The following NPHP4 variants were observed in gnomAD, a reference collection of about 807,000 sequenced individuals.
The protein encoded by NPHP4 is nephrocystin-4.
A neutral mutation model predicts 155.8 loss-of-function variants in NPHP4; 151 were observed. The ratio of observed to expected loss-of-function variants is 0.97; its 90% CI spans 0.85 to 1.11. The LOEUF is 1.11. NPHP4 is among the 50% of genes least tolerant of loss of function. The probability of loss-of-function intolerance (pLI) is 0.00; values close to 1 mark genes in which losing one functional copy is unlikely to be tolerated. For synonymous variants in NPHP4, 845 were observed against 816.8 expected (o/e 1.03, Z -0.59); for missense variants, 1,956 against 1,925.7 (o/e 1.02, Z -0.29).
At chr1:5,874,325 G>T (rs1642323727) in intron 22 of NPHP4, 146 bp downstream of exon 22, 1 of 757,924 alleles carries the variant, frequency 1.3e-6, no homozygotes, top group Non-Finnish European at 2.0e-6. Context: ...CAGGGCTCTT[G>T]TTGAGCACCA....
chr1:5,893,559 G>A (rs927440641), intron 16 of NPHP4, among the ~76,000 whole-genome samples: 3 of 152,206 alleles, frequency 2.0e-5, no homozygotes, highest in African/African-American at 4.8e-5. Flanking sequence ...CTATCTAGAA[G>A]GCAGAGCCAG....
At chr1:5,978,111 C>T (rs535143822) in intron 3 of NPHP4, among the ~76,000 whole-genome samples, 159 bp downstream of exon 3, 4 of 151,868 alleles carry the variant, frequency 2.6e-5, no homozygotes, top group Non-Finnish European at 4.4e-5. Flanking sequence ...GGTAACAAAG[C>T]GCTTGCCGCT....
intron 9 of NPHP4, among the ~76,000 whole-genome samples, chr1:5,945,033 G>A (rs770959065): frequency 1.9e-4 from 29 of 152,156 alleles, no homozygotes; most frequent in Non-Finnish European, 3.8e-4. Flanking sequence ...CCCATGAAGC[G>A]GCCACCATCG....
chr1:5,865,541 G>A (rs1331886449), intron 26 of NPHP4: 2 of 404,652 alleles, frequency 4.9e-6, no homozygotes, highest in East Asian at 7.1e-5. Flanking sequence ...CAGCAGGGCT[G>A]CTTAGGAACC....
Position 5,947,999 on chromosome 1 carries a change from C to A in NPHP4, c.992+71G>T, listed in dbSNP as rs566483602. On this transcript the variant is annotated intron_variant, in intron 8 of 29. Coordinates refer to ENST00000378156, the MANE Select transcript of NPHP4 (RefSeq NM_015102.5). ...CGTGGGTGAGTCAACACCTGACATG[C>A]ACAAATGACCTCATTTCATCGTGAT... 8.1e-4 allele frequency: 1,003 copies of A among 1,231,766 alleles called. 3 individuals are homozygous for A. Among genetic ancestry groups the A allele is most frequent in the Non-Finnish European group, 9.7e-4 (813 of 836,198 alleles). 76.3% of individuals were successfully genotyped at this position (1,231,766 alleles called of 1,614,324 possible).
intron 6 of NPHP4, 109 bp downstream of exon 6, chr1:5,961,684 AG>A: frequency 2.0e-6 from 2 of 987,062 alleles, no homozygotes; most frequent in South Asian, 1.4e-5. Flanking sequence ...TGAGCTGCAG[AG>A]GGGCGCTCGG....
chr1:5,868,157 C>T (rs918194372), intron 23 of NPHP4: 48 of 586,896 alleles, frequency 8.2e-5, no homozygotes, highest in Non-Finnish European at 1.2e-4. Context: ...TTATTCCTCG[C>T]GAGTACAGCA....
chr1:5,959,467 G>A (rs1439366046), intron 6 of NPHP4, among the ~76,000 whole-genome samples: 4 of 152,154 alleles, frequency 2.6e-5, no homozygotes, highest in East Asian at 3.9e-4. Flanking sequence ...ACAAAACCAG[G>A]CCTGTCCTCT....
intron 16 of NPHP4, among the ~76,000 whole-genome samples, chr1:5,902,459 C>T (rs571932641): frequency 1.3e-5 from 2 of 152,306 alleles, no homozygotes; most frequent in South Asian, 2.1e-4. Context: ...TTTTCATCTC[C>T]GCCATCTGCC....
chr1:5,864,977 T>G (rs1357440582), intron 27 of NPHP4, 125 bp downstream of exon 27: 4 of 920,044 alleles, frequency 4.3e-6, no homozygotes, highest in Non-Finnish European at 6.8e-6. Context: ...TAACAGCGTC[T>G]GCGCGCTGGA....
At position 5,909,227 on chromosome 1, in the gene NPHP4, C is replaced by T; in HGVS notation, c.1442-14G>A. 1 of 1,597,018 alleles carries T rather than the reference C, an allele frequency of 6.3e-7. No homozygotes were observed. The highest frequency in any genetic ancestry group is 8.5e-7 in the Non-Finnish European group (1 of 1,171,532). On this transcript the variant is annotated splice_polypyrimidine_tract_variant and intron_variant, in intron 11 of 29. Coordinates refer to ENST00000378156, the MANE Select transcript of NPHP4 (RefSeq NM_015102.5). ...GCGCTGGCGGGCCTGGGAGGAAGCA[C>T]AGTGGGGTAGGAGAGGGAATGTGTC... is the stretch of plus-strand genomic sequence containing the variant.
intron 6 of NPHP4, among the ~76,000 whole-genome samples, chr1:5,954,009 C>T (rs1312101771): frequency 6.6e-6 from 1 of 152,090 alleles, no homozygotes; most frequent in Non-Finnish European, 1.5e-5. Flanking sequence ...ATGAAACTGC[C>T]GTCAAAAGAG....
chr1:5,879,861 GCA>G (rs775960120), intron 19 of NPHP4, among the ~76,000 whole-genome samples: 10 of 141,572 alleles, frequency 7.1e-5, no homozygotes, highest in Non-Finnish European at 9.1e-5. Flanking sequence ...ACACAGACAC[GCA>G]CACACACATG....
intron 11 of NPHP4, among the ~76,000 whole-genome samples, chr1:5,923,507 G>A (rs769307150): frequency 3.9e-5 from 6 of 152,162 alleles, no homozygotes; most frequent in African/African-American, 7.2e-5. Context: ...TCAGTAGAGC[G>A]CGGATCAGGA....
chr1:5,887,550 G>C, intron 17 of NPHP4, 84 bp from the exon 18 acceptor site: 1 of 1,455,246 alleles, frequency 6.9e-7, no homozygotes, highest in South Asian at 1.2e-5. Flanking sequence ...CTGCTCCCCA[G>C]CCCAGCAGGA....
At chr1:5,897,401 C>T (rs958425262) in intron 16 of NPHP4, among the ~76,000 whole-genome samples, 1 of 152,170 alleles carries the variant, frequency 6.6e-6, no homozygotes, top group African/African-American at 2.4e-5. Context: ...ACCGAATCAG[C>T]GTCGTAACAA....
At chr1:5,888,617 G>A (rs2282281) in intron 17 of NPHP4, 1,084,504 of 1,346,930 alleles carry the variant, frequency 0.81, 437,630 homozygotes, top group African/African-American at 0.93. Flanking sequence ...TCTCCTTTAG[G>A]GAACAGCCAA....
chr1:5,941,289 CAAAAAAAAAA>C (rs66676950), intron 9 of NPHP4, among the ~76,000 whole-genome samples: 10 of 44,768 alleles, frequency 2.2e-4, no homozygotes, highest in South Asian at 2.4e-3. Context: ...GAGATCTAGA[CAAAAAAAAAA>C]AAAAAAAAAA....
At chr1:5,879,636 G>A (rs1367768941) in intron 19 of NPHP4, 1 of 518,410 alleles carries the variant, frequency 1.9e-6, no homozygotes. Context: ...GCCCAGCCTA[G>A]AGCACCAGGG....
Sources: allele counts gnomAD v4.1 joint callset (sites outside exome capture counted in the v4.1 genomes callset), GRCh38; gene constraint gnomAD v4.1.1; transcripts MANE v1.5; gene names NCBI Gene and HGNC (gene_info 2026-07-23, HGNC 2026-07-21).